SMG1: variants seen among roughly 807,000 people sequenced by gnomAD.
The protein encoded by SMG1 is SMG1 nonsense mediated mRNA decay associated PI3K related kinase, also known as serine/threonine-protein kinase SMG1.
A neutral mutation model predicts 419.9 loss-of-function variants in SMG1; 22 were observed. The observed-to-expected ratio is 0.05, with a 90% CI of 0.04 to 0.07. The LOEUF (loss-of-function observed/expected upper bound fraction) is 0.07, where lower values mean the gene tolerates loss of function less well. Among genes scored for constraint, SMG1 ranks in the 10% least tolerant of loss-of-function variants. The pLI is 1.00. For missense variants in SMG1, 3,185 were observed against 4,342.0 expected (o/e 0.73, Z 7.49); for synonymous variants, 1,538 against 1,553.5 (o/e 0.99, Z 0.23).
At chr16:18,897,260 G>A (rs2037168960) in intron 1 of SMG1, among the ~76,000 whole-genome samples, 1 of 152,152 alleles carries the variant, frequency 6.6e-6, no homozygotes, top group South Asian at 2.1e-4. Context: ...TCCTGTCCCA[G>A]GCAAAACAGA....
intron 1 of SMG1, among the ~76,000 whole-genome samples, chr16:18,922,713 C>T (rs1270528272): frequency 2.6e-5 from 4 of 152,088 alleles, no homozygotes; most frequent in African/African-American, 9.6e-5. Context: ...TTCCTGACCT[C>T]GGGTGATCCA....
At position 18,839,695 on chromosome 16, in the gene SMG1, T is replaced by C. The variant is rs2033801173; in HGVS notation, c.6945+3A>G. On this transcript the variant is annotated splice_donor_region_variant and intron_variant, in intron 42 of 62. Transcript: ENST00000446231. Reference sequence around the variant, plus strand: ...TGAGTATAGTCTAAAACAAAGCACATACCTGCGTAACTCTCCACCATTCAT... The same window carrying C: ...TGAGTATAGTCTAAAACAAAGCACACACCTGCGTAACTCTCCACCATTCAT... 1.2e-6 allele frequency: 2 copies of C among 1,613,990 alleles called. No homozygotes were observed. Among genetic ancestry groups the C allele is most frequent in the Non-Finnish European group, 1.7e-6 (2 of 1,179,882 alleles).
intron 18 of SMG1, 86 bp downstream of exon 18, chr16:18,870,524 T>C (rs2035758415): frequency 4.0e-6 from 3 of 753,422 alleles, no homozygotes; most frequent in East Asian, 5.4e-5. Context: ...AATGCTCTAA[T>C]AGGTGATCTG....
chr16:18,925,843 A>G (rs1331049684), intron 1 of SMG1, 107 bp downstream of exon 1: 26 of 818,620 alleles, frequency 3.2e-5, no homozygotes, highest in Middle Eastern at 3.7e-4. Flanking sequence ...CCCGGCTCCG[A>G]GGGGTGGAGG....
chr16:18,853,538 A>G (rs1280641878), intron 31 of SMG1, 45 bp downstream of exon 31: 1 of 1,432,976 alleles, frequency 7.0e-7, no homozygotes, highest in East Asian at 2.5e-5. Flanking sequence ...AGAAAAAAAT[A>G]TAGCTTCTAA....
chr16:18,868,655 A>G lies in SMG1; in HGVS notation c.2898T>C (p.Thr966=). Residue 966 remains threonine, a synonymous_variant, in exon 21 of 63, where the codon ACT becomes ACC. Coordinates refer to ENST00000446231, the MANE Select transcript of SMG1 (RefSeq NM_015092.5). ...NPDQDVSQWT[T]ADNDEGHGNN... is the part of the protein sequence containing the mutation. ...TACCATGGCCTTCATCATTGTCTGC[A>G]GTTGTCCACTGACTAACATCCTGAT... The G allele has an allele frequency of 6.4e-7, 1 of 1,566,932 alleles. No individual in the cohort carries two copies.
intron 26 of SMG1, among the ~76,000 whole-genome samples, chr16:18,860,175 G>T (rs1337884693): frequency 6.6e-6 from 1 of 152,164 alleles, no homozygotes; most frequent in Non-Finnish European, 1.5e-5. Flanking sequence ...CCGAGATTGC[G>T]CCACTGCACT....
At chr16:18,880,090 A>G (rs2036316554) in intron 10 of SMG1, among the ~76,000 whole-genome samples, 1 of 152,208 alleles carries the variant, frequency 6.6e-6, no homozygotes, top group African/African-American at 2.4e-5. Flanking sequence ...GCCCACACAT[A>G]CTACAAGCTA....
At chr16:18,861,827 C>G (rs543827504) in intron 25 of SMG1, among the ~76,000 whole-genome samples, 1 of 152,320 alleles carries the variant, frequency 6.6e-6, no homozygotes, top group Non-Finnish European at 1.5e-5. Flanking sequence ...TTAATTTCCT[C>G]TACCCCTACC....
Position 18,816,408 on chromosome 16 carries a change from G to A in SMG1, c.10196C>T (p.Thr3399Met), listed in dbSNP as rs767738244. ...IQTEKEQQIE[T>M]VCETIQNLVD... Reference sequence around the variant, plus strand: ...CAGATTCTGAATTGTTTCACAGACCGTTTCTATCTGCTGCTCTTTCTCTGT... The same window carrying A: ...CAGATTCTGAATTGTTTCACAGACCATTTCTATCTGCTGCTCTTTCTCTGT... Residue 3399 changes from threonine (T) to methionine (M), a missense_variant, in exon 58 of 63, where the codon ACG becomes ATG. By Grantham distance (81) the Thr-to-Met change is moderately conservative. This residue lies in a region of SMG1 where 737 missense variants were observed against 846.6 expected (regional missense o/e 0.87). Transcript: ENST00000446231. 25 of 1,613,898 alleles carry A rather than the reference G, an allele frequency of 1.5e-5. No homozygotes were observed. Among genetic ancestry groups the A allele is most frequent in the East Asian group, 1.1e-4 (5 of 44,856 alleles).
chr16:18,869,955 T>A lies in SMG1; in HGVS notation c.2532A>T (p.Ala844=). ...NHTEIQEISL[A]LRSHMSKAPS... is the part of the protein sequence containing the mutation. ...GTGCTTTACTCATGTGACTTCTTAA[T>A]GCTAAAGAAATTTCTTGAATTTCTG... The change falls in exon 19 of 63, where the codon GCA becomes GCT. Residue 844 remains alanine (A), a synonymous_variant. Coordinates refer to ENST00000446231, the MANE Select transcript of SMG1 (RefSeq NM_015092.5). 1.3e-6 allele frequency: 2 copies of A among 1,532,868 alleles called. No homozygotes were observed. The highest frequency in any genetic ancestry group is 1.8e-6 in the Non-Finnish European group (2 of 1,136,816). The allele number at this position is 1,532,868 out of a possible 1,614,324, so 95.0% of individuals were successfully genotyped here.
intron 6 of SMG1, among the ~76,000 whole-genome samples, chr16:18,887,759 CAGTAAAAAAAAAAAAAA>C (rs2036689202): frequency 1.3e-4 from 1 of 7,852 alleles, no homozygotes; most frequent in East Asian, 0.01. Flanking sequence ...ATATCAAAAA[CAGTAAAAAAAAAAAAAA>C]AAAAAAAAAA....
chr16:18,907,041 T>C (rs1305502362), intron 1 of SMG1, among the ~76,000 whole-genome samples: 3 of 152,180 alleles, frequency 2.0e-5, no homozygotes, highest in Non-Finnish European at 4.4e-5. Flanking sequence ...CCCAGCACTT[T>C]GGGAGGCTGA....
chr16:18,895,253 G>A (rs1013390305), intron 3 of SMG1, among the ~76,000 whole-genome samples: 5 of 151,866 alleles, frequency 3.3e-5, no homozygotes, highest in African/African-American at 7.2e-5. Context: ...ATGAGCACGC[G>A]TGATCACTTG....
At chr16:18,876,668 T>TTTG (rs1046292683) in intron 12 of SMG1, among the ~76,000 whole-genome samples, 15 of 128,566 alleles carry the variant, frequency 1.2e-4, no homozygotes, top group East Asian at 3.1e-4. Context: ...ATGGCCGTTT[T>TTTG]TTTTTTTTTT....
chr16:18,863,558 C>T, intron 25 of SMG1, 92 bp downstream of exon 25: 1 of 1,165,288 alleles, frequency 8.6e-7, no homozygotes, highest in Non-Finnish European at 1.3e-6. Flanking sequence ...TTTTGTATTA[C>T]TACATATGAC....
intron 58 of SMG1, chr16:18,815,939 G>A (rs2031961498): frequency 2.2e-6 from 1 of 458,564 alleles, no homozygotes; most frequent in East Asian, 4.1e-5. Context: ...GGAGGGAAGA[G>A]ACAACATTTC....
chr16:18,807,181 C>T lies in SMG1; in HGVS notation c.*2388G>A, dbSNP rs1423732306. 6 of 152,298 alleles carry T rather than the reference C, an allele frequency of 3.9e-5. No individual in the cohort carries two copies. In the East Asian group the frequency reaches 9.7e-4, roughly 25 times the overall value. The allele number at this position is 152,298 out of a possible 1,614,324, so 9.4% of individuals were successfully genotyped here. ...TGAAAACACAGGCAATAAAATTCAC[C>T]TATTTATCTTCTTTACCAAAGAGAA... On this transcript the variant is annotated 3_prime_UTR_variant, in exon 63 of 63. Coordinates refer to ENST00000446231, the MANE Select transcript of SMG1 (RefSeq NM_015092.5).
chr16:18,845,318 A>T, intron 39 of SMG1, 111 bp downstream of exon 39: 2 of 897,304 alleles, frequency 2.2e-6, no homozygotes, highest in Non-Finnish European at 3.3e-6. Context: ...TGCCTCCTAT[A>T]GGCTTATAAA....
Sources: allele counts gnomAD v4.1 joint callset (sites outside exome capture counted in the v4.1 genomes callset), GRCh38; gene constraint gnomAD v4.1.1; regional missense constraint gnomAD v4.1.1; transcripts MANE v1.5; gene names NCBI Gene and HGNC (gene_info 2026-07-23, HGNC 2026-07-21).